Variants in TP53BP1 observed in about 807,000 individuals in gnomAD.
TP53BP1 encodes tumor protein p53 binding protein 1, also known as TP53-binding protein 1.
In TP53BP1, 61 loss-of-function variants were observed where a neutral mutation model predicts 200.8. The ratio of observed to expected loss-of-function variants is 0.30; its 90% CI spans 0.25 to 0.38. TP53BP1 has a LOEUF of 0.38. TP53BP1 is among the 10% of genes least tolerant of loss of function. The pLI is 1.00. For missense variants in TP53BP1, 2,144 were observed against 2,371.9 expected (o/e 0.90, Z 2.00); for synonymous variants, 822 against 844.3 (o/e 0.97, Z 0.46).
intron 14 of TP53BP1, among the ~76,000 whole-genome samples, chr15:43,443,945 T>C (rs571815192): frequency 4.6e-5 from 7 of 152,324 alleles, no homozygotes; most frequent in East Asian, 1.9e-4. Flanking sequence ...TGAAATTCAG[T>C]TGGAGCCCTG....
At chr15:43,436,560 G>A (rs1015806308) in intron 16 of TP53BP1, among the ~76,000 whole-genome samples, 3 of 151,522 alleles carry the variant, frequency 2.0e-5, no homozygotes, top group Non-Finnish European at 2.9e-5. Context: ...CTGCAGCCTC[G>A]ACCACCCAGG....
chr15:43,503,441 T>C (rs186521300), intron 1 of TP53BP1, among the ~76,000 whole-genome samples: 1 of 152,304 alleles, frequency 6.6e-6, no homozygotes, highest in East Asian at 1.9e-4. Context: ...GTGGATTACC[T>C]GATGTCAGGA....
At chr15:43,423,890 G>T (rs762247927) in intron 18 of TP53BP1, among the ~76,000 whole-genome samples, 1 of 151,650 alleles carries the variant, frequency 6.6e-6, no homozygotes, top group Admixed American at 6.6e-5. Flanking sequence ...CTTTAAAATC[G>T]GTATTTCCCA....
chr15:43,425,019 T>C (rs2045493208), intron 18 of TP53BP1, among the ~76,000 whole-genome samples: 1 of 152,068 alleles, frequency 6.6e-6, no homozygotes, highest in African/African-American at 2.4e-5. Context: ...AAAAACTAAT[T>C]TGGTTCTCTT....
rs561322958 is a variant in TP53BP1 at position 43,508,058 on chromosome 15, TA to T, written c.-9+2311del. 2.0e-3 allele frequency among the ~76,000 whole-genome samples: 302 copies of T among 152,316 alleles called. 1 individual carries two copies. The highest frequency in any genetic ancestry group is 5.0e-3 in the Admixed American group (77 of 15,302). On this transcript the variant is annotated intron_variant, in intron 1 of 27. Coordinates refer to the TP53BP1 transcript ENST00000263801. Reference sequence around the variant, plus strand: ...CTTTGGACAAGTGCTATGTGCAATTTAACACTTAAACATATTTTCTGGGCCG... The same window carrying T: ...CTTTGGACAAGTGCTATGTGCAATTTACACTTAAACATATTTTCTGGGCCG...
chr15:43,420,673 T>C lies in TP53BP1; in HGVS notation c.4313A>G (p.Asp1438Gly). 3.1e-6 allele frequency: 5 copies of C among 1,614,214 alleles called. No individual in the cohort carries two copies. Among genetic ancestry groups the C allele is most frequent in the African/African-American group, 2.7e-5 (2 of 75,056 alleles). Residue 1438 changes from aspartate (D) to glycine (G), a missense_variant, in exon 21 of 28, where the codon GAT becomes GGT. Around this residue, in one of 4 missense-constraint regions of TP53BP1, gnomAD observed 1,700 missense variants for 1,710.3 expected, o/e 0.99. Coordinates refer to ENST00000382044, the MANE Select transcript of TP53BP1 (RefSeq NM_001141980.3). ...EDISPNLSPDDKSFSRVVPRV... is the reference protein window; with the variant it reads ...EDISPNLSPDGKSFSRVVPRV... ...GGGCACGACACGGCTGAAGGATTTA[T>C]CATCTGGTGACAAGTTAGGTGAAAT...
chr15:43,465,050 CATT>C (rs1368454870), intron 11 of TP53BP1, among the ~76,000 whole-genome samples: 1 of 151,630 alleles, frequency 6.6e-6, no homozygotes, highest in East Asian at 1.9e-4. Context: ...ATCCTGAAAA[CATT>C]ATGCTAAATG....
rs954542517 is a variant in TP53BP1 at position 43,489,209 on chromosome 15, A to C, written c.371+2460T>G. ...TAGCTACTGATGTAATGACTCATTT[A>C]ACATCTGTCTCTCCTATTAAATTAT... On this transcript the variant is annotated intron_variant, in intron 4 of 27. Coordinates refer to ENST00000382044, the MANE Select transcript of TP53BP1 (RefSeq NM_001141980.3). Among the ~76,000 whole-genome samples the C allele has an allele frequency of 2.0e-5, 3 of 152,258 alleles. No homozygotes were observed. In the South Asian group the frequency reaches 6.2e-4, roughly 31 times the overall value.
chr15:43,412,902 A>G (rs1202507726), intron 24 of TP53BP1: 5 of 602,288 alleles, frequency 8.3e-6, no homozygotes, highest in Non-Finnish European at 1.5e-5. Context: ...TCTGCCTCAC[A>G]GGATTGTTTT....
intron 14 of TP53BP1, among the ~76,000 whole-genome samples, chr15:43,441,906 C>A (rs1400803629): frequency 6.6e-6 from 1 of 151,956 alleles, no homozygotes; most frequent in Non-Finnish European, 1.5e-5. Flanking sequence ...TGCGCCACCA[C>A]GTCCAGCTAA....
chr15:43,426,070 A>G (rs1194126919), intron 18 of TP53BP1, among the ~76,000 whole-genome samples: 1 of 151,916 alleles, frequency 6.6e-6, no homozygotes, highest in Non-Finnish European at 1.5e-5. Context: ...GTCTCAAAAA[A>G]AAAAAAACAA....
At chr15:43,432,073 C>G in intron 17 of TP53BP1, 121 bp downstream of exon 17, 1 of 1,394,728 alleles carries the variant, frequency 7.2e-7, no homozygotes, top group Non-Finnish European at 9.7e-7. Flanking sequence ...TGTCTTTTAA[C>G]CACTGTTCTG....
At chr15:43,474,627 G>C in intron 10 of TP53BP1, 46 bp downstream of exon 10, 2 of 1,354,448 alleles carry the variant, frequency 1.5e-6, no homozygotes, top group Non-Finnish European at 2.1e-6. Flanking sequence ...AAAAAGTGTT[G>C]CTCCTCTTCT....
intron 24 of TP53BP1, 21 bp from the exon 25 acceptor site, chr15:43,409,762 A>AAGAT: frequency 1.6e-6 from 2 of 1,268,102 alleles, no homozygotes; most frequent in African/African-American, 3.1e-5. Flanking sequence ...AAAAAAAACC[A>AAGAT]AGATAATAAT....
At chr15:43,474,142 GGGGGCCGGC>G (rs997327929) in intron 10 of TP53BP1, among the ~76,000 whole-genome samples, 16 of 152,304 alleles carry the variant, frequency 1.1e-4, no homozygotes, top group African/African-American at 3.8e-4. Context: ...TCATTGCCCG[GGGGGCCGGC>G]AGGGCCGGCC....
At chr15:43,475,283 C>G (rs1006196617) in intron 9 of TP53BP1, among the ~76,000 whole-genome samples, 1 of 152,176 alleles carries the variant, frequency 6.6e-6, no homozygotes, top group Non-Finnish European at 1.5e-5. Context: ...GCAAGTAAAA[C>G]AGAGGAGCAG....
chr15:43,408,744 A>AGAT, intron 26 of TP53BP1, 153 bp downstream of exon 26: 1 of 709,408 alleles, frequency 1.4e-6, no homozygotes. Context: ...GAAATAAACT[A>AGAT]GATAAACTCC....
At chr15:43,420,215 C>G (rs2045362423) in intron 21 of TP53BP1, 90 bp downstream of exon 21, 1 of 1,271,174 alleles carries the variant, frequency 7.9e-7, no homozygotes, top group East Asian at 2.3e-5. Flanking sequence ...TGGAAAAGTA[C>G]CAAGTAATGT....
At chr15:43,415,478 C>A (rs780746945) in intron 23 of TP53BP1, 116 bp downstream of exon 23, 3 of 1,143,892 alleles carry the variant, frequency 2.6e-6, no homozygotes, top group East Asian at 2.4e-5. Flanking sequence ...GGCAGGACCC[C>A]GACTTTATAG....
Sources: allele counts gnomAD v4.1 joint callset (sites outside exome capture counted in the v4.1 genomes callset), GRCh38; gene constraint gnomAD v4.1.1; regional missense constraint gnomAD v4.1.1; transcripts MANE v1.5; gene names NCBI Gene and HGNC (gene_info 2026-07-23, HGNC 2026-07-21).